The following KYAT1 variants were observed in gnomAD, a reference collection of about 807,000 sequenced individuals.
KYAT1 encodes the protein kynurenine aminotransferase 1, also known as kynurenine--oxoglutarate transaminase 1.
KYAT1 carries 47 observed loss-of-function variants against 52.4 expected under a neutral mutation model. That is an observed-to-expected ratio of 0.90 (90% CI 0.71 to 1.14). The LOEUF is 1.14. Among genes scored for constraint, KYAT1 ranks in the 50% most tolerant of loss-of-function variants. KYAT1 has a pLI of 0.00. For synonymous variants in KYAT1, 212 were observed against 209.6 expected (o/e 1.01, Z -0.10); for missense variants, 480 against 557.9 (o/e 0.86, Z 1.41).
At chr9:128,847,357 T>C (rs1833264273) in intron 1 of KYAT1, 1 of 989,820 alleles carries the variant, frequency 1.0e-6, no homozygotes, top group Non-Finnish European at 1.5e-6. Flanking sequence ...ATGCACAGCT[T>C]TGAAGCCAGG....
intron 1 of KYAT1, among the ~76,000 whole-genome samples, chr9:128,851,674 T>C (rs751140950): frequency 1.3e-5 from 2 of 152,190 alleles, no homozygotes; most frequent in Non-Finnish European, 2.9e-5. Context: ...GAAGATAGCA[T>C]TTCAGTTTCT....
chr9:128,843,334 C>T lies in KYAT1; in HGVS notation c.54-533G>A, dbSNP rs1430906275. ...CACATTGTTAATCGCAGGAATCAGCCCAGGGGCTTTCCAAGTTCTTCCACC... is the reference window on the plus strand; with the variant it reads ...CACATTGTTAATCGCAGGAATCAGCTCAGGGGCTTTCCAAGTTCTTCCACC... On this transcript the variant is annotated intron_variant, in intron 2 of 12. Coordinates refer to ENST00000302586, the MANE Select transcript of KYAT1 (RefSeq NM_004059.5). Among the ~76,000 whole-genome samples, 3 of 152,196 alleles carry T rather than the reference C, an allele frequency of 2.0e-5. No homozygotes were observed. The East Asian group carries it at 5.8e-4, about 29-fold the overall frequency.
chr9:128,867,949 AT>A (rs1305091074), intron 1 of KYAT1, among the ~76,000 whole-genome samples: 1 of 151,680 alleles, frequency 6.6e-6, no homozygotes, highest in African/African-American at 2.4e-5. Flanking sequence ...ATTTTTTTGT[AT>A]TTTTAGTAGA....
At chr9:128,882,000 C>G (rs1011496694), upstream of KYAT1, 1 of 152,302 alleles carries the variant, frequency 6.6e-6, no homozygotes, top group Non-Finnish European at 1.5e-5. Flanking sequence ...ACTTCCGCCC[C>G]GAAGCAGCAG....
rs141941908 is a variant in KYAT1, at chr9:128,870,747, G to A, written c.-7+11150C>T. 2.0e-5 allele frequency among the ~76,000 whole-genome samples: 3 copies of A among 152,244 alleles called. No individual in the cohort carries two copies. In the East Asian group the frequency reaches 5.8e-4, roughly 29 times the overall value. On this transcript the variant is annotated intron_variant, in intron 1 of 12. Transcript: ENST00000302586. ...AATAACAAGTCTATAGAGACAGAAA[G>A]CAGATGAGTGGTAACCAGAGGACAG...
chr9:128,863,736 A>G (rs1193779615), intron 1 of KYAT1, among the ~76,000 whole-genome samples: 6 of 152,144 alleles, frequency 3.9e-5, no homozygotes, highest in Admixed American at 3.9e-4. Context: ...GTTATTCCCG[A>G]GTCGGCCAGC....
In KYAT1 at chr9:128,833,837, G is replaced by A; in HGVS notation, c.1123-11C>T. On this transcript the variant is annotated splice_polypyrimidine_tract_variant and intron_variant, in intron 11 of 12. Transcript: ENST00000302586. Reference sequence around the variant, plus strand: ...GATGGCCACCAAGCCCTGGGGAGGAGGAAGGACATGTCTCAACACGGCCTC... The same window carrying A: ...GATGGCCACCAAGCCCTGGGGAGGAAGAAGGACATGTCTCAACACGGCCTC... The A allele has an allele frequency of 6.2e-7, 1 of 1,611,912 alleles. No homozygotes were observed. The highest frequency in any genetic ancestry group is 8.5e-7 in the Non-Finnish European group (1 of 1,178,004).
chr9:128,865,332 T>TACATAC, intron 1 of KYAT1, among the ~76,000 whole-genome samples: 6 of 2,352 alleles, frequency 2.6e-3, no homozygotes, highest in African/African-American at 4.8e-3. Flanking sequence ...TATATATATA[T>TACATAC]ATATATATAT....
At chr9:128,833,986 G>A (rs1319781987) in intron 11 of KYAT1, among the ~76,000 whole-genome samples, 160 bp from the exon 12 acceptor site, 1 of 152,218 alleles carries the variant, frequency 6.6e-6, no homozygotes, top group African/African-American at 2.4e-5. Context: ...GGCCAGGTGC[G>A]GTGGCTCACG....
intron 10 of KYAT1, 36 bp downstream of exon 10, chr9:128,835,445 C>T (rs369251259): frequency 7.0e-4 from 1,125 of 1,613,656 alleles, no homozygotes; most frequent in Non-Finnish European, 8.9e-4. Flanking sequence ...AGCCTCCAGC[C>T]CCTGCGCCCT....
At chr9:128,848,135 C>T (rs1336430027) in intron 1 of KYAT1, among the ~76,000 whole-genome samples, 1 of 151,922 alleles carries the variant, frequency 6.6e-6, no homozygotes, top group East Asian at 1.9e-4. Context: ...GCCTGGGCAA[C>T]ATACTGAAAC....
rs774764176 is a variant in KYAT1 at position 128,835,781 on chromosome 9, G to T, written c.853C>A (p.Gln285Lys). 2 of 1,612,424 alleles carry T rather than the reference G, an allele frequency of 1.2e-6. No individual in the cohort carries two copies. The highest frequency in any genetic ancestry group is 1.7e-6 in the Non-Finnish European group (2 of 1,179,218). ...CGTGACGTCCTGCCCCTCTTCACCT[G>T]GCTCTGCGTGGGGCAGTGGAAGACG... ...NSVFHCPTQSQAAVAESFERE... is the reference protein window; with the variant it reads ...NSVFHCPTQSKAAVAESFERE... Residue 285 changes from glutamine (Q) to lysine (K), a missense_variant and splice_region_variant, in exon 9 of 13, where the codon CAG (glutamine) becomes AAG (lysine). By Grantham distance (53) the Gln-to-Lys change is moderately conservative (BLOSUM62 1). Transcript: ENST00000302586.
At chr9:128,882,449 C>T (rs1422234315), upstream of KYAT1, 2 of 351,782 alleles carry the variant, frequency 5.7e-6, no homozygotes, top group Non-Finnish European at 1.0e-5. Context: ...GCACCACCTT[C>T]TCGCCGGCTC....
At chr9:128,838,191 C>T in intron 4 of KYAT1, 27 bp downstream of exon 4, 1 of 1,614,190 alleles carries the variant, frequency 6.2e-7, no homozygotes, top group Non-Finnish European at 8.5e-7. Flanking sequence ...CTCTCAGTCC[C>T]ACTCAGCCCA....
At chr9:128,846,621 A>G (rs1248354822) in intron 1 of KYAT1, 1 of 1,056,906 alleles carries the variant, frequency 9.5e-7, no homozygotes, top group Non-Finnish European at 1.3e-6. Context: ...AAAAAAAAAA[A>G]AAAAGAAAGA....
chr9:128,836,413 C>CTCA (rs1831133881), intron 7 of KYAT1, among the ~76,000 whole-genome samples: 1 of 151,862 alleles, frequency 6.6e-6, no homozygotes, highest in Non-Finnish European at 1.5e-5. Context: ...ATCCTCCTAC[C>CTCA]TCAGCTTCCT....
chr9:128,835,093 C>T (rs939862680), intron 11 of KYAT1: 43 of 527,214 alleles, frequency 8.2e-5, no homozygotes, highest in East Asian at 5.1e-4. Context: ...GCCAAGATCG[C>T]GCCACTGCAC....
At chr9:128,851,578 C>A (rs1030981157) in intron 1 of KYAT1, among the ~76,000 whole-genome samples, 1 of 152,112 alleles carries the variant, frequency 6.6e-6, no homozygotes, top group Non-Finnish European at 1.5e-5. Flanking sequence ...TTAAAACAAG[C>A]AAGTAGGGAA....
intron 11 of KYAT1, among the ~76,000 whole-genome samples, chr9:128,834,912 G>A (rs1162883178): frequency 2.0e-5 from 3 of 149,994 alleles, no homozygotes; most frequent in Middle Eastern, 3.5e-3. Flanking sequence ...CGAGGCAGGT[G>A]GATTACAAGG....
Sources: allele counts gnomAD v4.1 joint callset (sites outside exome capture counted in the v4.1 genomes callset), GRCh38; gene constraint gnomAD v4.1.1; transcripts MANE v1.5; gene names NCBI Gene and HGNC (gene_info 2026-07-23, HGNC 2026-07-21).